Variants in CAPS2 observed in about 807,000 individuals in gnomAD.
The protein encoded by CAPS2 is calcyphosine 2.
CAPS2 carries 98 observed loss-of-function variants against 86.5 expected under a neutral mutation model. The observed-to-expected ratio is 1.13, with a 90% confidence interval of 0.96 to 1.34. CAPS2 has a LOEUF of 1.34. Ranked by LOEUF, CAPS2 falls within the 40% of genes most tolerant of loss-of-function variation. The pLI is 0.00. For missense variants in CAPS2, 729 were observed against 686.8 expected (o/e 1.06, Z -0.69); for synonymous variants, 210 against 225.1 (o/e 0.93, Z 0.60).
At chr12:75,314,259 T>A (rs532005205) in intron 6 of CAPS2, among the ~76,000 whole-genome samples, 2 of 152,272 alleles carry the variant, frequency 1.3e-5, no homozygotes, top group South Asian at 2.1e-4. Flanking sequence ...CAAAATTTAA[T>A]AAGAATGTTA....
chr12:75,309,317 C>T (rs1185264155), intron 7 of CAPS2, among the ~76,000 whole-genome samples: 1 of 152,244 alleles, frequency 6.6e-6, no homozygotes, highest in South Asian at 2.1e-4. Flanking sequence ...TAATACACTT[C>T]TGCTGCTTTG....
At chr12:75,314,193 T>A (rs2039520302) in intron 6 of CAPS2, among the ~76,000 whole-genome samples, 1 of 152,182 alleles carries the variant, frequency 6.6e-6, no homozygotes, top group Non-Finnish European at 1.5e-5. Context: ...GTGCTGGGAC[T>A]ATAGGTATGA....
chr12:75,277,513 A>T, exon 17 of CAPS2: 3 of 916,110 alleles, frequency 3.3e-6, no homozygotes, highest in Non-Finnish European at 3.9e-6. Context: ...TAATAACCTA[A>T]TTTTTAAAAA....
chr12:75,322,868 T>C, intron 4 of CAPS2: 1 of 619,172 alleles, frequency 1.6e-6, no homozygotes, highest in East Asian at 2.8e-5. Context: ...ACCTTATGGT[T>C]TGGTATTTAA....
At chr12:75,300,099 T>C (rs537505096) in intron 8 of CAPS2, among the ~76,000 whole-genome samples, 188 bp from the exon 9 acceptor site, 1 of 152,276 alleles carries the variant, frequency 6.6e-6, no homozygotes, top group Non-Finnish European at 1.5e-5. Context: ...CTCTGAGATA[T>C]AGTATATAAT....
intron 1 of CAPS2, among the ~76,000 whole-genome samples, chr12:75,351,389 T>C (rs376342072): frequency 6.6e-6 from 1 of 152,100 alleles, no homozygotes; most frequent in African/African-American, 2.4e-5. Flanking sequence ...AATCATCAGA[T>C]TCTCCAAGGT....
At chr12:75,298,479 T>C in intron 11 of CAPS2, 1 of 511,442 alleles carries the variant, frequency 2.0e-6, no homozygotes, top group Admixed American at 3.2e-5. Context: ...AGAAAATAAA[T>C]GATATGCTTG....
rs765676434 is a variant in CAPS2 at position 75,316,328 on chromosome 12, G to A, written c.575C>T (p.Ala192Val). ...ACAACTTACTGCATCCAATTTTCTTGCCCTCTGTTGTTTATCGCAAGAGTT... is the reference window on the plus strand; with the variant it reads ...ACAACTTACTGCATCCAATTTTCTTACCCTCTGTTGTTTATCGCAAGAGTT... Residue 192 changes from alanine to valine, a missense_variant, in exon 6 of 17, where the codon GCA (alanine) becomes GTA (valine). Coordinates refer to ENST00000393284, the Ensembl canonical transcript of CAPS2. 4.6e-5 allele frequency: 71 copies of A among 1,550,616 alleles called. No homozygotes were observed. The highest frequency in any genetic ancestry group is 3.6e-5 in the Non-Finnish European group (41 of 1,146,374).
At chr12:75,341,365 A>AAG (rs2042093368) in intron 1 of CAPS2, among the ~76,000 whole-genome samples, 1 of 152,256 alleles carries the variant, frequency 6.6e-6, no homozygotes, top group African/African-American at 2.4e-5. Context: ...ATGGCTCTCA[A>AAG]AGGCATTATG....
chr12:75,286,514 T>G (rs1381631362), intron 14 of CAPS2, among the ~76,000 whole-genome samples: 1 of 151,698 alleles, frequency 6.6e-6, no homozygotes, highest in Non-Finnish European at 1.5e-5. Flanking sequence ...TATTTATATA[T>G]ACTTAAGAGA....
chr12:75,373,438 T>G (rs1203114451), intron 1 of CAPS2: 1 of 152,232 alleles, frequency 6.6e-6, no homozygotes, highest in Non-Finnish European at 1.5e-5. Flanking sequence ...GTCATCAATT[T>G]TCCAATCATG....
At chr12:75,314,076 C>T (rs1463917669) in intron 6 of CAPS2, among the ~76,000 whole-genome samples, 5 of 152,010 alleles carry the variant, frequency 3.3e-5, no homozygotes, top group Non-Finnish European at 4.4e-5. Context: ...TATGCCACCA[C>T]GGCTGGTTAA....
intron 8 of CAPS2, 148 bp downstream of exon 8, chr12:75,304,609 C>G (rs556525999): frequency 1.3e-5 from 7 of 523,668 alleles, no homozygotes; most frequent in Non-Finnish European, 2.3e-5. Flanking sequence ...AGTAGCAGAA[C>G]TGGGAGCTGA....
At chr12:75,320,291 C>G (rs946436471) in intron 5 of CAPS2, among the ~76,000 whole-genome samples, 3 of 152,042 alleles carry the variant, frequency 2.0e-5, no homozygotes, top group African/African-American at 7.2e-5. Flanking sequence ...ATATTTTGAA[C>G]AATTTTGCTG....
At position 75,343,832 on chromosome 12, in the gene CAPS2, T is replaced by C. The variant is rs777594867; in HGVS notation, c.-394-20610A>G. 4.3e-6 allele frequency: 7 copies of C among 1,613,276 alleles called. No homozygotes were observed. The South Asian group carries it at 6.6e-5, about 15-fold the overall frequency. On this transcript the variant is annotated intron_variant, in intron 1 of 5. Coordinates refer to the CAPS2 transcript ENST00000551829. ...GGAGAAAATATCTGGTTAGGTGGAA[T>C]AAAGTCATTCACACCAAGACATGCC... is the stretch of plus-strand genomic sequence containing the variant.
At chr12:75,332,181 A>C (rs1252119411), upstream of CAPS2, among the ~76,000 whole-genome samples, 2 of 152,154 alleles carry the variant, frequency 1.3e-5, no homozygotes, top group Non-Finnish European at 2.9e-5. Flanking sequence ...TCATTACTCT[A>C]TGAAATTTCT....
chr12:75,353,707 A>G (rs1348127699), intron 1 of CAPS2, among the ~76,000 whole-genome samples: 3 of 152,186 alleles, frequency 2.0e-5, no homozygotes, highest in Non-Finnish European at 2.9e-5. Context: ...ACTTCAGGCC[A>G]ATATCCCTGA....
intron 1 of CAPS2, among the ~76,000 whole-genome samples, chr12:75,344,634 G>T (rs542240949): frequency 6.6e-6 from 1 of 152,060 alleles, no homozygotes; most frequent in African/African-American, 2.4e-5. Context: ...TCTTCATTAT[G>T]AATCGAATTT....
chr12:75,282,405 G>A lies in CAPS2; in HGVS notation c.1516-58C>T, dbSNP rs1593185565. 4 of 1,134,378 alleles carry A rather than the reference G, an allele frequency of 3.5e-6. 1 individual carries two copies. In the Admixed American group the frequency reaches 5.1e-5, roughly 14 times the overall value. 70.3% of individuals were successfully genotyped at this position (1,134,378 alleles called of 1,614,324 possible). A position where few individuals can be genotyped will look rare whatever the true frequency, so the allele number is the denominator to read the frequency against. ...TTGGTTGGTTGTTTTGCTTTGCTTTGAGACAGAGTCTCGCTCTGTCACCCA... is the reference window on the plus strand; with the variant it reads ...TTGGTTGGTTGTTTTGCTTTGCTTTAAGACAGAGTCTCGCTCTGTCACCCA... On this transcript the variant is annotated intron_variant, in intron 15 of 16. Transcript: ENST00000393284.
Sources: allele counts gnomAD v4.1 joint callset (sites outside exome capture counted in the v4.1 genomes callset), GRCh38; gene constraint gnomAD v4.1.1; transcripts MANE v1.5; gene names NCBI Gene and HGNC (gene_info 2026-07-23, HGNC 2026-07-21).